RGS7: variants seen among roughly 807,000 people sequenced by gnomAD.
RGS7 encodes the protein regulator of G protein signaling 7.
In RGS7, 27 loss-of-function variants were observed where a neutral mutation model predicts 81.1. The observed-to-expected ratio is 0.33, with a 90% CI of 0.25 to 0.46. The LOEUF is 0.46. Among genes scored for constraint, RGS7 ranks in the 20% least tolerant of loss-of-function variants. RGS7 has a pLI of 1.00. For synonymous variants in RGS7, 208 were observed against 207.7 expected (o/e 1.00, Z -0.01); for missense variants, 396 against 607.4 (o/e 0.65, Z 3.66).
intron 3 of RGS7, among the ~76,000 whole-genome samples, chr1:241,066,729 G>C (rs1389279314): frequency 1.3e-5 from 2 of 152,294 alleles, no homozygotes; most frequent in South Asian, 4.1e-4. Context: ...TAAGGTACTT[G>C]AATGACTTAG....
intron 6 of RGS7, among the ~76,000 whole-genome samples, chr1:240,888,576 A>G (rs1267520670): frequency 2.6e-5 from 4 of 152,198 alleles, no homozygotes; most frequent in Non-Finnish European, 5.9e-5. Flanking sequence ...AATGTAGAAT[A>G]ATGTGAATAA....
intron 2 of RGS7, among the ~76,000 whole-genome samples, chr1:241,245,372 G>GT (rs56369371): frequency 0.15 from 22,360 of 151,838 alleles, 1,864 homozygotes; most frequent in African/African-American, 0.22. Flanking sequence ...CTCCTGCCGT[G>GT]TAAGTGTGCT....
chr1:240,844,854 T>C (rs1572382673), intron 9 of RGS7, among the ~76,000 whole-genome samples: 1 of 152,214 alleles, frequency 6.6e-6, no homozygotes, highest in African/African-American at 2.4e-5. Flanking sequence ...AATGAGATCA[T>C]GGACTATTGA....
intron 2 of RGS7, among the ~76,000 whole-genome samples, chr1:241,178,121 T>C (rs555583534): frequency 6.6e-6 from 1 of 152,066 alleles, no homozygotes; most frequent in South Asian, 2.1e-4. Flanking sequence ...ACCCTGTCTC[T>C]ACAAAAAAGA....
intron 2 of RGS7, among the ~76,000 whole-genome samples, chr1:241,153,861 A>G (rs907616142): frequency 6.6e-6 from 1 of 152,216 alleles, no homozygotes; most frequent in African/African-American, 2.4e-5. Flanking sequence ...GAAGGAAGAA[A>G]TGGGGTTTGA....
chr1:241,160,944 A>G (rs1437542554), intron 2 of RGS7, among the ~76,000 whole-genome samples: 1 of 152,092 alleles, frequency 6.6e-6, no homozygotes, highest in Non-Finnish European at 1.5e-5. Context: ...TATGGTGGAT[A>G]ATGCATTTTG....
chr1:240,839,342 G>C (rs1419294741), intron 9 of RGS7, among the ~76,000 whole-genome samples: 2 of 152,224 alleles, frequency 1.3e-5, no homozygotes, highest in African/African-American at 4.8e-5. Context: ...CACACGGTTA[G>C]AGTGTGAGAG....
At chr1:241,347,154 T>A (rs970411405) in intron 2 of RGS7, among the ~76,000 whole-genome samples, 2 of 152,188 alleles carry the variant, frequency 1.3e-5, no homozygotes, top group African/African-American at 4.8e-5. Flanking sequence ...GTTCTTGACA[T>A]CTTCTACCAA....
At chr1:240,912,002 T>C (rs890541684) in intron 6 of RGS7, among the ~76,000 whole-genome samples, 1 of 146,762 alleles carries the variant, frequency 6.8e-6, no homozygotes, top group African/African-American at 2.6e-5. Flanking sequence ...AAAAAAAAAA[T>C]TAGCCAGGCG....
rs560354887 is a variant in RGS7 at position 241,234,271 on chromosome 1, T to A, written c.78+121428A>T. Among the ~76,000 whole-genome samples the A allele has an allele frequency of 8.5e-5, 13 of 152,324 alleles. No individual in the cohort carries two copies. In the East Asian group the frequency reaches 2.5e-3, roughly 29 times the overall value. On this transcript the variant is annotated intron_variant, in intron 2 of 18. Coordinates refer to ENST00000440928, the MANE Select transcript of RGS7 (RefSeq NM_001364886.1). ...TATAGCAAAACCTGCCAGTTGTTTATCGATATCCATCTTCTCTTTCCAAAA... is the reference window on the plus strand; with the variant it reads ...TATAGCAAAACCTGCCAGTTGTTTAACGATATCCATCTTCTCTTTCCAAAA...
rs187371077 is a variant in RGS7, at chr1:240,953,728, C to T, written c.227-17022G>A. On this transcript the variant is annotated intron_variant, in intron 4 of 18. Transcript: ENST00000440928. ...AAGAGCAATTTAAACCTAGAGTAAT[C>T]AGAACAAAAGAAATAATAAAATTAC... 1.3e-3 allele frequency among the ~76,000 whole-genome samples: 191 copies of T among 151,848 alleles called. 1 individual carries two copies. Among genetic ancestry groups the T allele is most frequent in the African/African-American group, 4.4e-3 (183 of 41,488 alleles).
At chr1:241,248,874 T>C (rs1355882756) in intron 2 of RGS7, among the ~76,000 whole-genome samples, 2 of 152,208 alleles carry the variant, frequency 1.3e-5, no homozygotes, top group Non-Finnish European at 2.9e-5. Context: ...CTCAAGCTTA[T>C]CATTCGACGA....
At position 240,871,397 on chromosome 1, in the gene RGS7, C is replaced by T. The variant is rs188469247; in HGVS notation, c.386-1278G>A. The stretch of plus-strand genomic sequence containing the variant: ...AACACACTACACAGAAAATTTAAGA[C>T]CGGTGCAAACAGGAATACTATTTAC... On this transcript the variant is annotated intron_variant, in intron 6 of 18. Transcript: ENST00000440928. Among the ~76,000 whole-genome samples, 4 of 152,208 alleles carry T rather than the reference C, an allele frequency of 2.6e-5. No homozygotes were observed. In the East Asian group the frequency reaches 7.7e-4, roughly 29 times the overall value.
At chr1:241,349,404 T>G (rs2083098786) in intron 2 of RGS7, among the ~76,000 whole-genome samples, 1 of 152,320 alleles carries the variant, frequency 6.6e-6, no homozygotes, top group South Asian at 2.1e-4. Flanking sequence ...CTATATATTT[T>G]TCCAGACGAC....
At chr1:240,954,238 C>T (rs568760772) in intron 4 of RGS7, among the ~76,000 whole-genome samples, 2 of 152,148 alleles carry the variant, frequency 1.3e-5, no homozygotes, top group African/African-American at 4.8e-5. Flanking sequence ...ACAGGTATCC[C>T]TTCCTAGCTA....
chr1:240,931,980 A>G (rs924190015), intron 5 of RGS7, among the ~76,000 whole-genome samples: 1 of 152,190 alleles, frequency 6.6e-6, no homozygotes, highest in Non-Finnish European at 1.5e-5. Flanking sequence ...CAGTGATGGC[A>G]AATATCAGTA....
At chr1:240,899,059 A>C (rs1465710058) in intron 6 of RGS7, among the ~76,000 whole-genome samples, 1 of 151,830 alleles carries the variant, frequency 6.6e-6, no homozygotes, top group Non-Finnish European at 1.5e-5. Context: ...GTCTCTTCTG[A>C]TCTTTGTTAG....
intron 4 of RGS7, among the ~76,000 whole-genome samples, chr1:240,972,826 C>T (rs951738836): frequency 2.1e-5 from 3 of 145,808 alleles, no homozygotes; most frequent in African/African-American, 5.1e-5. Context: ...TTGAGGCCAG[C>T]CTGGGCAACA....
chr1:241,174,045 T>C (rs1402882205), intron 2 of RGS7, among the ~76,000 whole-genome samples: 2 of 152,198 alleles, frequency 1.3e-5, no homozygotes, highest in African/African-American at 4.8e-5. Context: ...AAGATGCAAA[T>C]CATTCCCAAA....
Sources: gnomAD v4.1 joint callset for allele counts (sites outside exome capture counted in the v4.1 genomes callset) on GRCh38, gnomAD v4.1.1 for gene constraint, MANE v1.5 for transcripts, NCBI Gene and HGNC (gene_info 2026-07-23, HGNC 2026-07-21) for gene names.